Variants in TAF3 observed in about 807,000 individuals in gnomAD.
The protein encoded by TAF3 is TATA-box binding protein associated factor 3.
A neutral mutation model predicts 80.6 loss-of-function variants in TAF3; 7 were observed. That is an observed-to-expected ratio of 0.09 (90% CI 0.05 to 0.16). The LOEUF (loss-of-function observed/expected upper bound fraction) is 0.16. Ranked by LOEUF, TAF3 falls within the 10% of genes least tolerant of loss-of-function variation. The pLI is 1.00. For synonymous variants in TAF3, 444 were observed against 446.1 expected (o/e 1.00, Z 0.06); for missense variants, 921 against 1,140.2 (o/e 0.81, Z 2.77).
intron 4 of TAF3, among the ~76,000 whole-genome samples, chr10:8,008,128 AC>A (rs1436133055): frequency 8.1e-6 from 1 of 122,704 alleles, no homozygotes; most frequent in Admixed American, 1.1e-4. Flanking sequence ...ACGAAGTCTC[AC>A]TCTGTAGCCC....
chr10:7,945,420 A>T (rs1336220633), intron 2 of TAF3, among the ~76,000 whole-genome samples: 1 of 151,996 alleles, frequency 6.6e-6, no homozygotes, highest in Non-Finnish European at 1.5e-5. Context: ...TGTTTGACTT[A>T]CCTAATTTAT....
chr10:7,919,197 T>C (rs545021203), intron 2 of TAF3, among the ~76,000 whole-genome samples: 2 of 152,310 alleles, frequency 1.3e-5, no homozygotes, highest in Non-Finnish European at 2.9e-5. Context: ...GAGGCCTAGC[T>C]TCTGGCTAAG....
At chr10:7,822,842 A>G (rs943522295) in intron 1 of TAF3, among the ~76,000 whole-genome samples, 9 of 152,356 alleles carry the variant, frequency 5.9e-5, no homozygotes, top group African/African-American at 1.9e-4. Context: ...AAGCTCTGCT[A>G]AGAATAGGCA....
At chr10:7,886,707 T>C (rs1837411929) in intron 2 of TAF3, among the ~76,000 whole-genome samples, 1 of 152,218 alleles carries the variant, frequency 6.6e-6, no homozygotes. Flanking sequence ...TTGCACACCT[T>C]ACTCCTAATA....
intron 4 of TAF3, among the ~76,000 whole-genome samples, chr10:8,006,023 T>A (rs1831987762): frequency 6.6e-6 from 1 of 152,192 alleles, no homozygotes. Context: ...GCTTGCCTCA[T>A]GTGGTCATTA....
intron 2 of TAF3, among the ~76,000 whole-genome samples, chr10:7,882,445 A>C (rs545797574): frequency 8.5e-5 from 13 of 152,318 alleles, no homozygotes; most frequent in African/African-American, 3.1e-4. Flanking sequence ...GAATCTTCAG[A>C]AGTAAGAAAT....
intron 3 of TAF3, among the ~76,000 whole-genome samples, chr10:7,974,498 G>A (rs916761397): frequency 2.0e-5 from 3 of 152,076 alleles, no homozygotes; most frequent in Non-Finnish European, 2.9e-5. Context: ...ACTTACTTTC[G>A]AAACTGTGGG....
intron 2 of TAF3, among the ~76,000 whole-genome samples, chr10:7,942,649 T>C (rs930862764): frequency 6.6e-6 from 1 of 152,150 alleles, no homozygotes; most frequent in Non-Finnish European, 1.5e-5. Context: ...AGCTCTCTTG[T>C]TAGGGGTTGC....
At chr10:7,855,968 C>T (rs1434293118) in intron 2 of TAF3, among the ~76,000 whole-genome samples, 1 of 151,338 alleles carries the variant, frequency 6.6e-6, no homozygotes, top group East Asian at 1.9e-4. Flanking sequence ...TAATAGTTCT[C>T]TACTAGTATT....
chr10:7,965,279 T>A lies in TAF3; in HGVS notation c.1769T>A (p.Phe590Tyr). The change falls in exon 3 of 7, where the codon TTT (phenylalanine) becomes TAT (tyrosine). Residue 590 changes from phenylalanine (F) to tyrosine (Y), a missense_variant. By Grantham distance (22) the Phe-to-Tyr change is conservative. Coordinates refer to ENST00000344293, the MANE Select transcript of TAF3 (RefSeq NM_031923.4). ...LKEEEADPYK[F>Y]KIKEFEDVDP... ...GAGGAAGAGGCAGATCCCTACAAGT[T>A]TAAAATCAAAGAATTTGAAGATGTT... 6.2e-7 allele frequency: 1 copy of A among 1,607,688 alleles called. No homozygotes were observed. The highest frequency in any genetic ancestry group is 8.5e-7 in the Non-Finnish European group (1 of 1,178,576).
intron 2 of TAF3, among the ~76,000 whole-genome samples, chr10:7,890,124 C>T (rs1414207008): frequency 1.3e-5 from 2 of 152,242 alleles, no homozygotes; most frequent in African/African-American, 4.8e-5. Context: ...GTTTCACTCT[C>T]AGTCACTTCG....
Position 7,818,726 on chromosome 10 carries a change from C to T in TAF3, c.17C>T (p.Ser6Phe). 1 of 1,606,954 alleles carries T rather than the reference C, an allele frequency of 6.2e-7. No individual in the cohort carries two copies. Among genetic ancestry groups the T allele is most frequent in the Non-Finnish European group, 8.5e-7 (1 of 1,177,874 alleles). ...CGCAGCGGGATGTGCGAGAGTTACTCCAGGTCGTTGTTGAGGGTCTCGGTG... is the reference window on the plus strand; with the variant it reads ...CGCAGCGGGATGTGCGAGAGTTACTTCAGGTCGTTGTTGAGGGTCTCGGTG... MCESY[S>F]RSLLRVSVAQ... is the part of the protein sequence containing the mutation. The change falls in exon 1 of 7, where the codon TCC (serine) becomes TTC (phenylalanine). Residue 6 changes from serine to phenylalanine, a missense_variant. Around this residue, in one of 6 missense-constraint regions of TAF3, gnomAD observed 106 missense variants for 191.8 expected, o/e 0.55. Transcript: ENST00000344293.
intron 2 of TAF3, among the ~76,000 whole-genome samples, chr10:7,876,683 T>A (rs1359157186): frequency 2.0e-5 from 3 of 152,232 alleles, no homozygotes; most frequent in Admixed American, 2.0e-4. Flanking sequence ...ACAGCTATAT[T>A]GTCCTAAAAG....
intron 4 of TAF3, among the ~76,000 whole-genome samples, chr10:7,984,209 GA>G: frequency 6.6e-6 from 1 of 152,010 alleles, no homozygotes; most frequent in Admixed American, 6.5e-5. Context: ...CTAGAACAAT[GA>G]TATAGTCTCT....
chr10:8,003,459 G>A (rs4749477), intron 4 of TAF3, among the ~76,000 whole-genome samples: 1 of 152,094 alleles, frequency 6.6e-6, no homozygotes, highest in Non-Finnish European at 1.5e-5. Context: ...TTATAAGTCA[G>A]TGAACCAGTA....
intron 2 of TAF3, among the ~76,000 whole-genome samples, chr10:7,943,784 T>C (rs1365516712): frequency 1.3e-5 from 2 of 152,206 alleles, no homozygotes; most frequent in Admixed American, 6.5e-5. Context: ...TTAGGATGTA[T>C]TCCAAAGCAA....
chr10:7,954,553 A>G (rs55656438), intron 2 of TAF3, among the ~76,000 whole-genome samples: 1 of 139,702 alleles, frequency 7.2e-6, no homozygotes, highest in African/African-American at 2.6e-5. Context: ...TCTAGTTAAC[A>G]CAGAGCTCTC....
At chr10:7,956,860 GA>G (rs1838141149) in intron 2 of TAF3, among the ~76,000 whole-genome samples, 1 of 152,174 alleles carries the variant, frequency 6.6e-6, no homozygotes, top group Non-Finnish European at 1.5e-5. Flanking sequence ...GTTAAGAGGG[GA>G]CATGAATTTT....
At chr10:7,988,530 C>G (rs1029698509) in intron 4 of TAF3, among the ~76,000 whole-genome samples, 1 of 132,914 alleles carries the variant, frequency 7.5e-6, no homozygotes, top group African/African-American at 2.8e-5. Flanking sequence ...CAAGATTGTG[C>G]CACTACATTT....
Sources: allele counts gnomAD v4.1 joint callset (sites outside exome capture counted in the v4.1 genomes callset), GRCh38; gene constraint gnomAD v4.1.1; regional missense constraint gnomAD v4.1.1; transcripts MANE v1.5; gene names NCBI Gene and HGNC (gene_info 2026-07-23, HGNC 2026-07-21).